The following TRIML2 variants were observed in gnomAD, a reference collection of about 807,000 sequenced individuals.
The protein encoded by TRIML2 is tripartite motif family like 2, also known as probable E3 ubiquitin-protein ligase TRIML2.
TRIML2 carries 28 observed loss-of-function variants against 31.2 expected under a neutral mutation model. That is an observed-to-expected ratio of 0.90 (90% CI 0.66 to 1.23). The LOEUF is 1.23. Ranked by LOEUF, TRIML2 falls within the 50% of genes most tolerant of loss-of-function variation. The pLI is 0.00. For synonymous variants in TRIML2, 187 were observed against 197.5 expected, an observed-to-expected ratio of 0.95 and a Z score of 0.45; for missense variants, 536 against 528.3, an observed-to-expected ratio of 1.01 and a Z score of -0.14.
intron 1 of TRIML2, among the ~76,000 whole-genome samples, chr4:188,106,365 T>C (rs1734040477): frequency 6.6e-6 from 1 of 152,218 alleles, no homozygotes; most frequent in Non-Finnish European, 1.5e-5. Context: ...ACGGCTCTTC[T>C]AAGAAGCCAT....
intron 3 of TRIML2, among the ~76,000 whole-genome samples, chr4:188,103,005 GTTTTT>G (rs145048322): frequency 3.5e-4 from 34 of 97,872 alleles, no homozygotes; most frequent in African/African-American, 1.3e-3. Context: ...TACTCTCTTG[GTTTTT>G]TTTTTTTTTT....
chr4:188,100,853 A>G (rs559890793), intron 4 of TRIML2, among the ~76,000 whole-genome samples: 2 of 152,280 alleles, frequency 1.3e-5, no homozygotes, highest in South Asian at 2.1e-4. Context: ...GTACAAATAT[A>G]TTTATAGGTA....
At chr4:188,098,939 A>C in intron 5 of TRIML2, 96 bp downstream of exon 5, 1 of 1,360,654 alleles carries the variant, frequency 7.3e-7, no homozygotes, top group Non-Finnish European at 1.0e-6. Flanking sequence ...AGATCATTGG[A>C]TATTGTGTTC....
intron 3 of TRIML2, among the ~76,000 whole-genome samples, chr4:188,102,805 C>T (rs1294408815): frequency 3.4e-5 from 5 of 147,926 alleles, no homozygotes; most frequent in South Asian, 2.2e-4. Context: ...GCCGAGATCG[C>T]GTCACTGAAC....
rs770947404 is a variant in TRIML2 at position 188,104,949 on chromosome 4, G to A, written c.190-17C>T. 9 of 1,598,176 alleles carry A rather than the reference G, an allele frequency of 5.6e-6. No homozygotes were observed. Among genetic ancestry groups the A allele is most frequent in the Non-Finnish European group, 7.7e-6 (9 of 1,165,832 alleles). On this transcript the variant is annotated splice_polypyrimidine_tract_variant and intron_variant, in intron 2 of 7. Transcript: ENST00000682553. ...GAATAACTTCTATAGAGAAAGCACA[G>A]AATTCCAGGTGAGATCATTGATTTA...
At chr4:188,106,827 G>A (rs1003125059) in intron 1 of TRIML2, 8 of 249,336 alleles carry the variant, frequency 3.2e-5, no homozygotes, top group African/African-American at 1.9e-4. Context: ...GGCCAAGCGA[G>A]AAGACAGGCC....
rs1733562438 is a variant in TRIML2, at chr4:188,097,318, A to G, written c.644+6T>C. The G allele has an allele frequency of 6.2e-7, 1 of 1,613,648 alleles. No homozygotes were observed. Among genetic ancestry groups the G allele is most frequent in the Admixed American group, 1.7e-5 (1 of 59,914 alleles). Reference sequence around the variant, plus strand: ...TCACCCAATTGTATCCAAAATGAAAACTCACCTTTCTAAAGAGTATTTTGC... The same window carrying G: ...TCACCCAATTGTATCCAAAATGAAAGCTCACCTTTCTAAAGAGTATTTTGC... On this transcript the variant is annotated splice_donor_region_variant and intron_variant, in intron 6 of 7. Coordinates refer to ENST00000682553, the MANE Select transcript of TRIML2 (RefSeq NM_173553.4).
intron 7 of TRIML2, among the ~76,000 whole-genome samples, chr4:188,094,371 C>A (rs965441954): frequency 3.3e-5 from 5 of 152,058 alleles, no homozygotes; most frequent in African/African-American, 1.2e-4. Context: ...TGTAGAAAAT[C>A]CTGAAGGATC....
Position 188,098,975 on chromosome 4 carries a change from T to A in TRIML2, c.621+60A>T, listed in dbSNP as rs746088165. On this transcript the variant is annotated intron_variant, in intron 5 of 7. Transcript: ENST00000682553. ...TGACAGCAACCCCTAATGAGTACTGTCCACTTCTCATTTCTCAAATACTGG... is the reference window on the plus strand; with the variant it reads ...TGACAGCAACCCCTAATGAGTACTGACCACTTCTCATTTCTCAAATACTGG... 25 of 1,577,378 alleles carry A rather than the reference T, an allele frequency of 1.6e-5. No individual in the cohort carries two copies. In the East Asian group the frequency reaches 4.0e-4, roughly 25 times the overall value.
chr4:188,100,371 C>T (rs1431245759), intron 4 of TRIML2, among the ~76,000 whole-genome samples: 1 of 152,124 alleles, frequency 6.6e-6, no homozygotes, highest in African/African-American at 2.4e-5. Flanking sequence ...AGGTCGTAGG[C>T]CACCCAGGAG....
chr4:188,102,035 C>T (rs912297202), intron 3 of TRIML2, among the ~76,000 whole-genome samples: 4 of 149,524 alleles, frequency 2.7e-5, no homozygotes, highest in African/African-American at 9.9e-5. Flanking sequence ...GAGGCTGAGG[C>T]AGGAGAATGG....
At chr4:188,096,568 T>G (rs950833937) in intron 7 of TRIML2, among the ~76,000 whole-genome samples, 1 of 144,702 alleles carries the variant, frequency 6.9e-6, no homozygotes, top group African/African-American at 2.6e-5. Flanking sequence ...AGATTTTGCA[T>G]GGGAAGAGCT....
At chr4:188,101,494 GA>G (rs1219223059) in intron 3 of TRIML2, among the ~76,000 whole-genome samples, 1 of 151,784 alleles carries the variant, frequency 6.6e-6, no homozygotes, top group Non-Finnish European at 1.5e-5. Context: ...AGGAGATCGA[GA>G]CCATACTGGC....
At chr4:188,096,718 G>A (rs1202980457) in intron 7 of TRIML2, among the ~76,000 whole-genome samples, 3 of 151,494 alleles carry the variant, frequency 2.0e-5, no homozygotes, top group Non-Finnish European at 2.9e-5. Flanking sequence ...GTGCAGTGGT[G>A]TGATCTCAGC....
At position 188,104,887 on chromosome 4, in the gene TRIML2, C is replaced by G; in HGVS notation, c.235G>C (p.Ala79Pro). ...ILNTSREKLEAAKSILTDEQE... is the reference protein window; with the variant it reads ...ILNTSREKLEPAKSILTDEQE... Reference sequence around the variant, plus strand: ...TCATCAGTCAATATGCTTTTAGCTGCTTCAAGTTTCTCCCTCGATGTGTTC... The same window carrying G: ...TCATCAGTCAATATGCTTTTAGCTGGTTCAAGTTTCTCCCTCGATGTGTTC... The change falls in exon 3 of 8, where the codon GCA becomes CCA. Residue 79 changes from alanine (A) to proline (P), a missense_variant. By Grantham distance (27) the Ala-to-Pro change is conservative. Transcript: ENST00000682553. 1 of 1,614,084 alleles carries G rather than the reference C, an allele frequency of 6.2e-7. No homozygotes were observed. Among genetic ancestry groups the G allele is most frequent in the South Asian group, 1.1e-5 (1 of 91,080 alleles).
At chr4:188,094,164 G>C (rs746810057) in intron 7 of TRIML2, among the ~76,000 whole-genome samples, 1 of 151,994 alleles carries the variant, frequency 6.6e-6, no homozygotes. Context: ...CGCTATAGCT[G>C]TATCAGAATT....
chr4:188,108,022 C>G (rs572005201), intron 1 of TRIML2, among the ~76,000 whole-genome samples: 2 of 152,258 alleles, frequency 1.3e-5, no homozygotes, highest in South Asian at 2.1e-4. Context: ...TCCTTGAGCT[C>G]TCAGCAGCAG....
In TRIML2 at chr4:188,091,736, T is replaced by C; in HGVS notation, c.951A>G (p.Gln317=). ...CTGCAGAGCCGTGGTATATGCCCAC[T>C]TGCCACCTGGTTGCCTTTTCCACGT... ...EVDVEKATRW[Q]VGIYHGSADA... The change falls in exon 8 of 8, where the codon CAA becomes CAG. Residue 317 remains glutamine, a synonymous_variant. Coordinates refer to ENST00000682553, the MANE Select transcript of TRIML2 (RefSeq NM_173553.4). 1 of 1,614,084 alleles carries C rather than the reference T, an allele frequency of 6.2e-7. No individual in the cohort carries two copies.
At chr4:188,096,337 C>A (rs1733507268) in intron 7 of TRIML2, among the ~76,000 whole-genome samples, 1 of 151,760 alleles carries the variant, frequency 6.6e-6, no homozygotes, top group African/African-American at 2.4e-5. Flanking sequence ...GAGTTCAAGA[C>A]CATCCTGACC....
Sources: allele counts gnomAD v4.1 joint callset (sites outside exome capture counted in the v4.1 genomes callset), GRCh38; gene constraint gnomAD v4.1.1; transcripts MANE v1.5; gene names NCBI Gene and HGNC (gene_info 2026-07-23, HGNC 2026-07-21).